Variants in EZH2 observed in about 807,000 individuals in gnomAD.
EZH2 encodes the protein enhancer of zeste 2 polycomb repressive complex 2 subunit, also known as histone-lysine N-methyltransferase EZH2.
A neutral mutation model predicts 98.4 loss-of-function variants in EZH2; 18 were observed. The ratio of observed to expected loss-of-function variants is 0.18; its 90% CI spans 0.13 to 0.27. EZH2 has a LOEUF of 0.27. Ranked by LOEUF, EZH2 falls within the 10% of genes least tolerant of loss-of-function variation. EZH2 has a pLI of 1.00. For synonymous variants in EZH2, 338 were observed against 312.3 expected (o/e 1.08, Z -0.87); for missense variants, 470 against 935.1 (o/e 0.50, Z 6.49).
chr7:148,825,217 A>G (rs1807347852), intron 8 of EZH2, among the ~76,000 whole-genome samples: 1 of 152,200 alleles, frequency 6.6e-6, no homozygotes, highest in Admixed American at 6.5e-5. Context: ...TCATAAATTC[A>G]TGGTGTGTAA....
intron 9 of EZH2, chr7:148,819,056 G>C (rs1398389347): frequency 2.2e-6 from 1 of 456,606 alleles, no homozygotes; most frequent in South Asian, 1.5e-5. Flanking sequence ...CTAGGTAGGA[G>C]TGGCTTGGTT....
intron 8 of EZH2, among the ~76,000 whole-genome samples, chr7:148,820,105 G>C (rs1460393024): frequency 6.6e-6 from 1 of 152,122 alleles, no homozygotes; most frequent in East Asian, 1.9e-4. Context: ...TCAGCAATCA[G>C]CTTGTCACCA....
chr7:148,810,308 A>G (rs998222665), intron 17 of EZH2, 25 bp downstream of exon 17: 5 of 1,570,342 alleles, frequency 3.2e-6, no homozygotes, highest in African/African-American at 2.7e-5. Flanking sequence ...TCAGGAACTC[A>G]CTGCCTCCCA....
chr7:148,868,842 T>C (rs1818917544), intron 1 of EZH2, among the ~76,000 whole-genome samples: 1 of 152,248 alleles, frequency 6.6e-6, no homozygotes, highest in South Asian at 2.1e-4. Flanking sequence ...AATAAGAAAT[T>C]TGAAGAAATT....
intron 1 of EZH2, among the ~76,000 whole-genome samples, chr7:148,862,895 GT>G (rs914743757): frequency 1.3e-5 from 2 of 149,542 alleles, no homozygotes; most frequent in African/African-American, 4.9e-5. Flanking sequence ...GTCCAACATG[GT>G]TTTTTTGTTT....
At chr7:148,836,734 C>G in intron 3 of EZH2, 1 of 415,292 alleles carries the variant, frequency 2.4e-6, no homozygotes, top group East Asian at 5.2e-5. Context: ...ATGGGGGGGA[C>G]TAGAATCATT....
At chr7:148,875,321 C>T (rs1411091367) in intron 1 of EZH2, among the ~76,000 whole-genome samples, 2 of 152,058 alleles carry the variant, frequency 1.3e-5, no homozygotes, top group East Asian at 3.9e-4. Flanking sequence ...ATTAAAAATA[C>T]ACAAAATCAA....
chr7:148,846,351 T>A, intron 3 of EZH2, 119 bp downstream of exon 3: 2 of 1,048,522 alleles, frequency 1.9e-6, no homozygotes, highest in Non-Finnish European at 2.7e-6. Flanking sequence ...TAAAAAGAAA[T>A]AGCAATAAAA....
intron 1 of EZH2, among the ~76,000 whole-genome samples, chr7:148,855,475 G>T (rs1375683356): frequency 1.3e-5 from 2 of 152,126 alleles, no homozygotes; most frequent in Admixed American, 6.5e-5. Context: ...GCACATCTTT[G>T]TGCCTCACTC....
chr7:148,828,525 A>G (rs182886331), intron 6 of EZH2, among the ~76,000 whole-genome samples: 1 of 152,226 alleles, frequency 6.6e-6, no homozygotes, highest in East Asian at 1.9e-4. Flanking sequence ...CCTGGGCTCA[A>G]GCAATCTGCC....
intron 1 of EZH2, among the ~76,000 whole-genome samples, chr7:148,882,743 AAACT>A (rs1000671780): frequency 2.6e-5 from 4 of 152,120 alleles, no homozygotes; most frequent in South Asian, 4.1e-4. Context: ...CCACAAAATT[AAACT>A]AATAATAACT....
At chr7:148,832,811 A>G (rs1585048654) in intron 3 of EZH2, 61 bp from the exon 4 acceptor site, 5 of 1,080,910 alleles carry the variant, frequency 4.6e-6, no homozygotes, top group Middle Eastern at 2.1e-4. Context: ...AGCTGTAGCC[A>G]TCATATTGTA....
At chr7:148,867,903 G>A (rs893320349) in intron 1 of EZH2, among the ~76,000 whole-genome samples, 1 of 152,176 alleles carries the variant, frequency 6.6e-6, no homozygotes, top group South Asian at 2.1e-4. Flanking sequence ...CAGATCCCTA[G>A]AGCAGGAGCA....
chr7:148,875,045 AACTC>A (rs1432848898), intron 1 of EZH2, among the ~76,000 whole-genome samples: 39 of 152,338 alleles, frequency 2.6e-4, no homozygotes, highest in Non-Finnish European at 3.7e-4. Flanking sequence ...TTTAAGGCTT[AACTC>A]ACTAATAAAT....
At position 148,881,964 on chromosome 7, in the gene EZH2, A is replaced by ACG. The variant is rs60902143; in HGVS notation, c.-8+2198_-8+2199dup. On this transcript the variant is annotated intron_variant, in intron 1 of 19. Transcript: ENST00000320356. ...AAAAAAAACATATACACACACACAC[A>ACG]CGCGCGCGCACACACACACACACAC... is the stretch of plus-strand genomic sequence containing the variant. Among the ~76,000 whole-genome samples the ACG allele has an allele frequency of 6.5e-3, 384 of 58,848 alleles. 1 individual carries two copies. In the South Asian group the frequency reaches 0.07, roughly 11 times the overall value. The allele number at this position is 58,848 out of a possible 152,430, so 38.6% of individuals were successfully genotyped here. A position where few individuals can be genotyped will look rare whatever the true frequency, so the allele number is the denominator to read the frequency against.
At chr7:148,876,676 A>G (rs1820212057) in intron 1 of EZH2, among the ~76,000 whole-genome samples, 1 of 152,338 alleles carries the variant, frequency 6.6e-6, no homozygotes, top group Non-Finnish European at 1.5e-5. Flanking sequence ...AAACTGGAAT[A>G]CTATGCACCC....
chr7:148,882,109 T>A (rs916184455), intron 1 of EZH2, among the ~76,000 whole-genome samples: 1 of 152,132 alleles, frequency 6.6e-6, no homozygotes, highest in Non-Finnish European at 1.5e-5. Flanking sequence ...TAATAGTAAC[T>A]AATATAAACG....
At chr7:148,826,003 T>A (rs922725578) in intron 8 of EZH2, among the ~76,000 whole-genome samples, 6 of 152,198 alleles carry the variant, frequency 3.9e-5, no homozygotes, top group Non-Finnish European at 8.8e-5. Flanking sequence ...CAGGTATTTT[T>A]AAAAAACAAC....
At position 148,809,108 on chromosome 7, in the gene EZH2, C is replaced by G; in HGVS notation, c.2158G>C (p.Ala720Pro). The change falls in exon 19 of 20, where the codon GCC becomes CCC. Residue 720 changes from alanine to proline, a missense_variant. Physicochemically the swap from Ala to Pro is conservative, Grantham distance 27. This residue lies in a region of EZH2 where 106 missense variants were observed against 327.2 expected (regional missense o/e 0.32). Coordinates refer to ENST00000320356, the MANE Select transcript of EZH2 (RefSeq NM_004456.5). Reference protein sequence around the residue: ...DHRIGIFAKRAIQTGEELFFD... With the variant: ...DHRIGIFAKRPIQTGEELFFD... Reference sequence around the variant, plus strand: ...AACAGCTCTTCGCCAGTCTGGATGGCTCTCTTGGCAAAAATACCTATCCTG... The same window carrying G: ...AACAGCTCTTCGCCAGTCTGGATGGGTCTCTTGGCAAAAATACCTATCCTG... 2 of 1,614,206 alleles carry G rather than the reference C, an allele frequency of 1.2e-6. No homozygotes were observed. The highest frequency in any genetic ancestry group is 1.7e-6 in the Non-Finnish European group (2 of 1,180,040).
Sources: allele counts gnomAD v4.1 joint callset (sites outside exome capture counted in the v4.1 genomes callset), GRCh38; gene constraint gnomAD v4.1.1; regional missense constraint gnomAD v4.1.1; transcripts MANE v1.5; gene names NCBI Gene and HGNC (gene_info 2026-07-23, HGNC 2026-07-21).